FADS1: variants seen among roughly 807,000 people sequenced by gnomAD.
The protein encoded by FADS1 is acyl-CoA (8-3)-desaturase.
In FADS1, 17 loss-of-function variants were observed where a neutral mutation model predicts 61.6. That is an observed-to-expected ratio of 0.28 (90% confidence interval 0.19 to 0.41). The LOEUF (loss-of-function observed/expected upper bound fraction) is 0.41, where lower values mean the gene tolerates loss of function less well. Among genes scored for constraint, FADS1 ranks in the 10% least tolerant of loss-of-function variants. The pLI is 1.00. For synonymous variants in FADS1, 238 were observed against 258.7 expected (o/e 0.92, Z 0.77); for missense variants, 387 against 650.9 (o/e 0.59, Z 4.41).
chr11:61,804,097 T>C, intron 7 of FADS1: 1 of 357,372 alleles, frequency 2.8e-6, no homozygotes, highest in Non-Finnish European at 5.2e-6. Flanking sequence ...GCCAGTGCCC[T>C]GATCAAATCT....
chr11:61,804,632 C>T, intron 7 of FADS1, 53 bp downstream of exon 7: 3 of 1,498,498 alleles, frequency 2.0e-6, no homozygotes, highest in Admixed American at 1.7e-5. Flanking sequence ...CCCTATCCCC[C>T]ACTCTGGGTG....
At chr11:61,814,802 A>C (rs1048082679) in intron 1 of FADS1, 8 of 152,140 alleles carry the variant, frequency 5.3e-5, no homozygotes, top group Admixed American at 4.6e-4. Flanking sequence ...AAACCTCTAG[A>C]TACAGAAAAG....
chr11:61,811,855 T>C (rs1371328047), intron 3 of FADS1: 1 of 446,736 alleles, frequency 2.2e-6, no homozygotes, highest in Non-Finnish European at 4.5e-6. Flanking sequence ...CCCAAGGTAC[T>C]GGTATTACAG....
In FADS1 at chr11:61,812,582, C is replaced by G. The variant is rs1565320846; in HGVS notation, c.573G>C (p.Leu191=). The G allele has an allele frequency of 1.9e-6, 3 of 1,614,168 alleles. No homozygotes were observed. Among genetic ancestry groups the G allele is most frequent in the Non-Finnish European group, 2.5e-6 (3 of 1,180,028 alleles). ...CCAGCAGCAAGATGTGCAGCAGGTA[C>G]AGCAGGAAGAAGACATGGTTGGCCT... The part of the protein sequence containing the change: ...LMKANHVFFL[L]YLLHILLLDG... Residue 191 remains leucine (L), a synonymous_variant, in exon 3 of 12, where the codon CTG becomes CTC. Transcript: ENST00000350997.
chr11:61,816,842 G>A lies in FADS1; in HGVS notation c.88C>T (p.Gln30Ter). The A allele has an allele frequency of 1.3e-6, 2 of 1,488,178 alleles. No individual in the cohort carries two copies. Among genetic ancestry groups the A allele is most frequent in the Non-Finnish European group, 1.8e-6 (2 of 1,129,224 alleles). 92.2% of individuals were successfully genotyped at this position (1,488,178 alleles called of 1,614,324 possible). The change falls in exon 1 of 12, where the codon CAA (glutamine) becomes TAA (stop). Residue 30 changes from glutamine to a stop codon, truncating the protein, a stop_gained. Transcript: ENST00000350997. LOFTEE classifies it high-confidence loss of function. This position sits in a 1 kb window ranked among gnomAD's most constrained non-coding sequence, Gnocchi z 7.0. ...RRRLALGARQ[Q>*]IHSWSPRTPS... is the part of the protein sequence containing the mutation. Reference sequence around the variant, plus strand: ...GTCCGCGGGCTCCAGGAGTGGATTTGCTGGCGCGCGCCCAGAGCCAGCCGC... The same window carrying A: ...GTCCGCGGGCTCCAGGAGTGGATTTACTGGCGCGCGCCCAGAGCCAGCCGC...
At chr11:61,804,874 C>T (rs2066882735) in intron 6 of FADS1, 113 bp from the exon 7 acceptor site, 3 of 851,386 alleles carry the variant, frequency 3.5e-6, no homozygotes, top group East Asian at 2.6e-5. Context: ...CCAACCATCC[C>T]TTCTGTCTCC....
rs371126461 is a variant in FADS1 at position 61,816,300 on chromosome 11, G to A, written c.375+255C>T. 1.0e-5 allele frequency: 16 copies of A among 1,598,258 alleles called. No individual in the cohort carries two copies. In the African/African-American group the frequency reaches 2.1e-4, roughly 21 times the overall value. On this transcript the variant is annotated intron_variant, in intron 1 of 11. Coordinates refer to ENST00000350997, the MANE Select transcript of FADS1 (RefSeq NM_013402.7). The surrounding 1 kb of genome is among the most constrained non-coding windows in gnomAD (Gnocchi z 7.0). ...CTGCAGATGGAATGCACGGCAGGGA[G>A]GCGGGACCCTTTGTTTGTGTGTGCG...
In FADS1 at chr11:61,803,369, G is replaced by A. The variant is rs1207627995; in HGVS notation, c.1242C>T (p.Ser414=). The change falls in exon 9 of 12, where the codon TCC becomes TCT. Residue 414 remains serine, a synonymous_variant. Coordinates refer to ENST00000350997, the MANE Select transcript of FADS1 (RefSeq NM_013402.7). This position sits in a 1 kb window ranked among gnomAD's most constrained non-coding sequence, Gnocchi z 4.3. ...CTGAGTGACTGTCCCTTACCTGGGT[G>A]GAAACCCAGTCCATGTTCCGGTCAT... ...IDHDRNMDWV[S]TQLQATCNVH... The A allele has an allele frequency of 2.5e-6, 4 of 1,611,314 alleles. No individual in the cohort carries two copies. The South Asian group carries it at 4.4e-5, about 18-fold the overall frequency.
At position 61,802,354 on chromosome 11, in the gene FADS1, C is replaced by T. The variant is rs2066861179; in HGVS notation, c.*57G>A. 6.8e-7 allele frequency: 1 copy of T among 1,468,954 alleles called. No homozygotes were observed. Among genetic ancestry groups the T allele is most frequent in the Non-Finnish European group, 9.3e-7 (1 of 1,071,116 alleles). The allele number at this position is 1,468,954 out of a possible 1,614,324, so 91.0% of individuals were successfully genotyped here. A position where few individuals can be genotyped will look rare whatever the true frequency, so the allele number is the denominator to read the frequency against. Reference sequence around the variant, plus strand: ...GTGGCATTGTCCCTCAAGCTCCCCTCTGCCTTGGCTCCAGAGTCTTCCTCC... The same window carrying T: ...GTGGCATTGTCCCTCAAGCTCCCCTTTGCCTTGGCTCCAGAGTCTTCCTCC... On this transcript the variant is annotated 3_prime_UTR_variant, in exon 12 of 12. Coordinates refer to ENST00000350997, the MANE Select transcript of FADS1 (RefSeq NM_013402.7). The surrounding 1 kb of genome is among the most constrained non-coding windows in gnomAD (Gnocchi z 4.2).
chr11:61,811,972 C>T (rs1454897396), intron 3 of FADS1: 6 of 362,766 alleles, frequency 1.7e-5, no homozygotes, highest in South Asian at 1.0e-4. Context: ...CTTGGCCTCC[C>T]AAAGTGCTAG....
intron 4 of FADS1, 24 bp from the exon 5 acceptor site, chr11:61,810,903 T>C (rs1282961889): frequency 1.2e-6 from 2 of 1,614,038 alleles, no homozygotes. Flanking sequence ...GGGACACGAG[T>C]ATGAAAAGCT....
intron 7 of FADS1, 73 bp downstream of exon 7, chr11:61,804,612 C>T: frequency 3.2e-6 from 4 of 1,268,836 alleles, no homozygotes; most frequent in Non-Finnish European, 4.5e-6. Flanking sequence ...TCAAGTTTCC[C>T]CTGGGGAACC....
rs1255489311 is a variant in FADS1 at position 61,802,450 on chromosome 11, C to T, written c.1467G>A (p.Glu489=). Residue 489 remains glutamate (E), a synonymous_variant, in exon 12 of 12, where the codon GAG becomes GAA. Transcript: ENST00000350997. The surrounding 1 kb of genome is among the most constrained non-coding windows in gnomAD (Gnocchi z 4.2). ...AGGCATCTAGCCAGAGCTGCCCTGA[C>T]TCCTTTAGTGAGCTGCAGGGACAAA... ...AFADIIHSLK[E]SGQLWLDAYL... 1 of 1,565,626 alleles carries T rather than the reference C, an allele frequency of 6.4e-7. No homozygotes were observed. The highest frequency in any genetic ancestry group is 1.9e-5 in the Admixed American group (1 of 53,118).
Position 61,802,486 on chromosome 11 carries a change from A to G in FADS1, c.1455-24T>C, listed in dbSNP as rs367988918. On this transcript the variant is annotated intron_variant, in intron 11 of 11. Coordinates refer to ENST00000350997, the MANE Select transcript of FADS1 (RefSeq NM_013402.7). This position sits in a 1 kb window ranked among gnomAD's most constrained non-coding sequence, Gnocchi z 4.2. ...AGCTGCAGGGACAAAATGGGGGCAG[A>G]CAGTGAGGGAGACAAGCAGAGTTGA... is the stretch of plus-strand genomic sequence containing the variant. The G allele has an allele frequency of 5.8e-5, 90 of 1,556,228 alleles. No homozygotes were observed. The highest frequency in any genetic ancestry group is 9.7e-5 in the Admixed American group (5 of 51,774).
chr11:61,816,309 CTTTG>C lies in FADS1; in HGVS notation c.375+242_375+245del, dbSNP rs1402649962. Reference sequence around the variant, plus strand: ...GAATGCACGGCAGGGAGGCGGGACCCTTTGTTTGTGTGTGCGTGTTGTTGGCCTC... The same window carrying C: ...GAATGCACGGCAGGGAGGCGGGACCCTTTGTGTGTGCGTGTTGTTGGCCTC... On this transcript the variant is annotated intron_variant, in intron 1 of 11. Coordinates refer to ENST00000350997, the MANE Select transcript of FADS1 (RefSeq NM_013402.7). The surrounding 1 kb of genome is among the most constrained non-coding windows in gnomAD (Gnocchi z 7.0). 13 of 1,598,384 alleles carry C rather than the reference CTTTG, an allele frequency of 8.1e-6. No individual in the cohort carries two copies. Among genetic ancestry groups the C allele is most frequent in the East Asian group, 4.5e-5 (2 of 44,872 alleles).
At chr11:61,804,478 G>T (rs534767417) in intron 7 of FADS1, 3 of 542,150 alleles carry the variant, frequency 5.5e-6, no homozygotes, top group Non-Finnish European at 6.6e-6. Flanking sequence ...GACACTGACC[G>T]CATGAAATTA....
intron 6 of FADS1, 184 bp downstream of exon 6, chr11:61,806,480 A>G (rs1269206508): frequency 6.6e-6 from 4 of 610,010 alleles, no homozygotes; most frequent in Non-Finnish European, 1.2e-5. Context: ...CATCAGCCTA[A>G]CTTCACTTCG....
Position 61,803,218 on chromosome 11 carries a change from C to A in FADS1, c.1249-107G>T. 8.0e-7 allele frequency: 1 copy of A among 1,247,920 alleles called. No homozygotes were observed. Among genetic ancestry groups the A allele is most frequent in the Non-Finnish European group, 1.2e-6 (1 of 852,778 alleles). 77.3% of individuals were successfully genotyped at this position (1,247,920 alleles called of 1,614,324 possible). Reference sequence around the variant, plus strand: ...GGAAGGGACATGAGACTGTCTTGGTCACTCCCTTCACATGGTTGCAGAACA... The same window carrying A: ...GGAAGGGACATGAGACTGTCTTGGTAACTCCCTTCACATGGTTGCAGAACA... On this transcript the variant is annotated intron_variant, in intron 9 of 11. Coordinates refer to ENST00000350997, the MANE Select transcript of FADS1 (RefSeq NM_013402.7). The surrounding 1 kb of genome is among the most constrained non-coding windows in gnomAD (Gnocchi z 4.3).
chr11:61,813,872 G>A (rs2066950116), intron 1 of FADS1, among the ~76,000 whole-genome samples: 1 of 146,456 alleles, frequency 6.8e-6, no homozygotes, highest in South Asian at 2.1e-4. Context: ...GGCTGAGGCA[G>A]GAGAATGGCG....
Sources: allele counts gnomAD v4.1 joint callset (sites outside exome capture counted in the v4.1 genomes callset), GRCh38; gene constraint gnomAD v4.1.1; non-coding constraint Gnocchi (gnomAD v3.1); transcripts MANE v1.5; gene names NCBI Gene and HGNC (gene_info 2026-07-23, HGNC 2026-07-21).